Variants in MACF1 observed in about 807,000 individuals in gnomAD.
MACF1 encodes the protein microtubule-actin cross-linking factor 1.
MACF1 carries 193 observed loss-of-function variants against 854.8 expected under a neutral mutation model. That is an observed-to-expected ratio of 0.23 (90% CI 0.20 to 0.25). The LOEUF (loss-of-function observed/expected upper bound fraction) is 0.25, where lower values mean the gene tolerates loss of function less well. Among genes scored for constraint, MACF1 ranks in the 10% least tolerant of loss-of-function variants. The pLI, the probability that MACF1 is intolerant of heterozygous loss-of-function variation, is 1.00. For missense variants in MACF1, 7,722 were observed against 8,929.1 expected, an observed-to-expected ratio of 0.86 and a Z score of 5.45; for synonymous variants, 3,185 against 3,226.7, an observed-to-expected ratio of 0.99 and a Z score of 0.44.
intron 2 of MACF1, among the ~76,000 whole-genome samples, chr1:39,149,523 G>A (rs969204320): frequency 6.6e-6 from 1 of 150,672 alleles, no homozygotes; most frequent in African/African-American, 2.4e-5. Context: ...GTGAGACTCC[G>A]TCTCAAAAAA....
At chr1:39,266,452 C>CAAA in intron 6 of MACF1, among the ~76,000 whole-genome samples, 1 of 152,114 alleles carries the variant, frequency 6.6e-6, no homozygotes, top group East Asian at 1.9e-4. Flanking sequence ...TGCAGTTTTG[C>CAAA]AGTCAGCCTT....
At chr1:39,190,369 T>TTC (rs761380199) in intron 2 of MACF1, among the ~76,000 whole-genome samples, 3,779 of 125,496 alleles carry the variant, frequency 0.03, 186 homozygotes, top group African/African-American at 0.071. Flanking sequence ...TTCTCTTCTT[T>TTC]TGTGTGTGTG....
At chr1:39,424,300 T>G (rs1643653868) in intron 61 of MACF1, 106 bp downstream of exon 61, 1 of 900,280 alleles carries the variant, frequency 1.1e-6, no homozygotes, top group South Asian at 2.1e-5. Flanking sequence ...TTTTGGAAGG[T>G]GTTTAATGGC....
intron 6 of MACF1, chr1:39,269,492 A>T: frequency 9.3e-6 from 12 of 1,289,736 alleles, no homozygotes; most frequent in Non-Finnish European, 1.2e-5. Context: ...ATGTGGGTCA[A>T]GTGCCCCCCC....
intron 2 of MACF1, among the ~76,000 whole-genome samples, chr1:39,156,993 G>A (rs1643703654): frequency 6.7e-6 from 1 of 149,292 alleles, no homozygotes; most frequent in South Asian, 2.1e-4. Flanking sequence ...CCTCTAAGTT[G>A]GGGTCTTGCT....
intron 58 of MACF1, 64 bp downstream of exon 58, chr1:39,388,722 C>T (rs1440889582): frequency 2.1e-6 from 3 of 1,430,964 alleles, no homozygotes; most frequent in Non-Finnish European, 2.8e-6. Flanking sequence ...ACTTGGAAAC[C>T]AGTCAAGTAT....
At position 39,253,099 on chromosome 1, in the gene MACF1, C is replaced by T. The variant is rs117914843; in HGVS notation, c.357+1158C>T. The stretch of plus-strand genomic sequence containing the variant: ...CCAAATTTTAGTAAAATATAAGCAA[C>T]GTTAGAAAGTAAGCAGAAGAAAATG... On this transcript the variant is annotated intron_variant, in intron 4 of 100. Coordinates refer to ENST00000564288, the MANE Select transcript of MACF1 (RefSeq NM_001394062.1). Among the ~76,000 whole-genome samples, 55 of 152,198 alleles carry T rather than the reference C, an allele frequency of 3.6e-4. No homozygotes were observed. The East Asian group carries it at 7.7e-3, about 21-fold the overall frequency.
intron 23 of MACF1, 54 bp downstream of exon 23, chr1:39,303,132 AACCAG>A: frequency 1.3e-6 from 2 of 1,591,360 alleles, no homozygotes; most frequent in Non-Finnish European, 1.7e-6. Context: ...GGCCTCGGTG[AACCAG>A]TGGAGGGATG....
chr1:39,186,210 CTCTCTGTGTGTGTG>C (rs1312221037), intron 2 of MACF1, among the ~76,000 whole-genome samples: 5 of 69,328 alleles, frequency 7.2e-5, no homozygotes, highest in African/African-American at 2.8e-4. Context: ...CTCTCTCTCT[CTCTCTGTGTGTGTG>C]TGTGTGTGTG....
At chr1:39,243,847 G>T (rs1243236440) in intron 2 of MACF1, among the ~76,000 whole-genome samples, 1 of 152,110 alleles carries the variant, frequency 6.6e-6, no homozygotes, top group African/African-American at 2.4e-5. Context: ...TAGTAGATGT[G>T]TGATTTTGGG....
intron 35 of MACF1, among the ~76,000 whole-genome samples, chr1:39,326,961 G>A (rs1333798591): frequency 6.6e-6 from 1 of 152,154 alleles, no homozygotes; most frequent in Non-Finnish European, 1.5e-5. Context: ...ATCTAAGTTT[G>A]ACATTTGGGG....
chr1:39,443,085 T>C (rs573317549), intron 78 of MACF1, among the ~76,000 whole-genome samples, 174 bp downstream of exon 78: 13 of 152,364 alleles, frequency 8.5e-5, no homozygotes, highest in Admixed American at 5.2e-4. Flanking sequence ...GGTAGTTCTT[T>C]TCTGAATTCA....
At chr1:39,228,295 A>C (rs1163153851) in intron 1 of MACF1, among the ~76,000 whole-genome samples, 3 of 152,172 alleles carry the variant, frequency 2.0e-5, no homozygotes, top group Non-Finnish European at 4.4e-5. Context: ...GGGTGACAAA[A>C]GCGAAACTCT....
chr1:39,284,264 G>C, intron 10 of MACF1, 69 bp from the exon 11 acceptor site: 1 of 1,570,978 alleles, frequency 6.4e-7, no homozygotes, highest in Non-Finnish European at 8.6e-7. Context: ...CTGGCTTCTA[G>C]GTGAGGTGGT....
intron 2 of MACF1, among the ~76,000 whole-genome samples, chr1:39,108,049 A>ATTT (rs11433977): frequency 7.1e-6 from 1 of 140,382 alleles, no homozygotes; most frequent in Non-Finnish European, 1.6e-5. Context: ...CTTGGCAACC[A>ATTT]TTTTTTTTTT....
Position 39,334,964 on chromosome 1 carries a change from T to C in MACF1, c.8376T>C (p.Asp2792=). 6.2e-7 allele frequency: 1 copy of C among 1,614,160 alleles called. No individual in the cohort carries two copies. Among genetic ancestry groups the C allele is most frequent in the African/African-American group, 1.3e-5 (1 of 75,056 alleles). The change falls in exon 37 of 101, where the codon GAT becomes GAC. Residue 2792 remains aspartate (D), a synonymous_variant. Coordinates refer to ENST00000564288, the MANE Select transcript of MACF1 (RefSeq NM_001394062.1). ...TACAAAATGAATTTCTAGGAAAGGA[T>C]ATGTTAATTGCTTGTAATCAGACTG... ...CALQNEFLGK[D]MLIACNQTAE...
chr1:39,369,919 G>A, intron 50 of MACF1, 111 bp from the exon 51 acceptor site: 3 of 965,090 alleles, frequency 3.1e-6, no homozygotes, highest in Non-Finnish European at 4.6e-6. Flanking sequence ...TTATGAGAAA[G>A]AAAGGCCATG....
At position 39,387,536 on chromosome 1, in the gene MACF1, C is replaced by A; in HGVS notation, c.14694C>A (p.Leu4898=). 6.2e-7 allele frequency: 1 copy of A among 1,614,100 alleles called. No homozygotes were observed. The highest frequency in any genetic ancestry group is 8.5e-7 in the Non-Finnish European group (1 of 1,180,034). Residue 4898 remains leucine, a synonymous_variant, in exon 58 of 101, where the codon CTC becomes CTA. Coordinates refer to ENST00000564288, the MANE Select transcript of MACF1 (RefSeq NM_001394062.1). ...AAACTGCAGACAGACAATCCAGGCT[C>A]AAGGATTGTATGCAGAAAGCTCAGA... ...SKKTADRQSR[L]KDCMQKAQKY...
intron 44 of MACF1, among the ~76,000 whole-genome samples, chr1:39,355,647 G>A (rs377386415): frequency 5.3e-5 from 8 of 151,916 alleles, no homozygotes; most frequent in Non-Finnish European, 8.8e-5. Flanking sequence ...TGTATTCTTA[G>A]TAGAGACGGG....
Sources: gnomAD v4.1 joint callset for allele counts (sites outside exome capture counted in the v4.1 genomes callset) on GRCh38, gnomAD v4.1.1 for gene constraint, MANE v1.5 for transcripts, NCBI Gene and HGNC (gene_info 2026-07-23, HGNC 2026-07-21) for gene names.